Variants in GALNT13 observed in about 807,000 individuals in gnomAD.
The protein encoded by GALNT13 is UDP-GalNAc:polypeptide N-acetylgalactosaminyltransferase 13.
In GALNT13, 28 loss-of-function variants were observed where a neutral mutation model predicts 64.2. The ratio of observed to expected loss-of-function variants is 0.44; its 90% CI spans 0.32 to 0.60. The LOEUF (loss-of-function observed/expected upper bound fraction) is 0.60. GALNT13 is among the 20% of genes least tolerant of loss of function. The pLI, the probability that GALNT13 is intolerant of heterozygous loss-of-function variation, is 0.05. For synonymous variants in GALNT13, 214 were observed against 224.6 expected, an observed-to-expected ratio of 0.95 and a Z score of 0.42; for missense variants, 577 against 669.8, an observed-to-expected ratio of 0.86 and a Z score of 1.53.
At chr2:153,941,635 G>C (rs934103021) in intron 2 of GALNT13, among the ~76,000 whole-genome samples, 1 of 152,116 alleles carries the variant, frequency 6.6e-6, no homozygotes. Flanking sequence ...TTAGTATTCT[G>C]TGTTTAAAGT....
At chr2:153,530,712 T>C in the GALNT13 span, among the ~76,000 whole-genome samples, 1 of 151,958 alleles carries the variant, frequency 6.6e-6, no homozygotes, top group Non-Finnish European at 1.5e-5. Context: ...GTGAATAGAA[T>C]AGAGAACCCA....
chr2:153,879,727 CTA>C (rs1686653675), intron 1 of GALNT13, among the ~76,000 whole-genome samples: 1 of 152,014 alleles, frequency 6.6e-6, no homozygotes, highest in East Asian at 1.9e-4. Context: ...ACACAGATTT[CTA>C]TGTCTTTTCC....
At chr2:153,635,443 C>CATATATATGTGTATATATATATAT in the GALNT13 span, among the ~76,000 whole-genome samples, 5 of 144,526 alleles carry the variant, frequency 3.5e-5, no homozygotes, top group Non-Finnish European at 7.6e-5. Context: ...TATATATACA[C>CATATATATGTGTATATATATATAT]ACATATATAT....
chr2:153,633,570 T>G, the GALNT13 span, among the ~76,000 whole-genome samples: 3 of 152,206 alleles, frequency 2.0e-5, no homozygotes, highest in Non-Finnish European at 4.4e-5. Context: ...GTTTGCCTAC[T>G]ACAATATTTT....
At chr2:154,372,271 GAGA>G (rs1430128445) in intron 9 of GALNT13, among the ~76,000 whole-genome samples, 1 of 152,066 alleles carries the variant, frequency 6.6e-6, no homozygotes, top group Non-Finnish European at 1.5e-5. Context: ...TCTAGTTCAA[GAGA>G]AGAATAGAAT....
chr2:153,379,355 T>C, the GALNT13 span, among the ~76,000 whole-genome samples: 1 of 152,112 alleles, frequency 6.6e-6, no homozygotes, highest in African/African-American at 2.4e-5. Flanking sequence ...TTAAAGAGGG[T>C]TGGAGACCAT....
intron 4 of GALNT13, among the ~76,000 whole-genome samples, chr2:154,143,005 G>A (rs565492692): frequency 6.6e-6 from 1 of 152,208 alleles, no homozygotes; most frequent in African/African-American, 2.4e-5. Context: ...TTTATATGCT[G>A]TAGTATGCTG....
chr2:153,403,393 C>T, the GALNT13 span, among the ~76,000 whole-genome samples: 3 of 152,066 alleles, frequency 2.0e-5, no homozygotes, highest in East Asian at 1.9e-4. Context: ...TTGTCTGTGC[C>T]CTGCCCCCAG....
the GALNT13 span, among the ~76,000 whole-genome samples, chr2:153,679,082 T>A: frequency 6.6e-6 from 1 of 151,956 alleles, no homozygotes; most frequent in Non-Finnish European, 1.5e-5. Flanking sequence ...CAAGCATGAG[T>A]ACTAGCTAGT....
the GALNT13 span, among the ~76,000 whole-genome samples, chr2:153,079,659 T>C: frequency 6.6e-6 from 1 of 152,172 alleles, no homozygotes; most frequent in South Asian, 2.1e-4. Flanking sequence ...GAGGCCTGCA[T>C]TTTAATTTTT....
At chr2:153,732,761 T>G in the GALNT13 span, among the ~76,000 whole-genome samples, 1 of 152,096 alleles carries the variant, frequency 6.6e-6, no homozygotes. Context: ...ACTCTGATTA[T>G]TTTTTAGGTA....
chr2:153,991,706 A>G (rs757877558), intron 3 of GALNT13, among the ~76,000 whole-genome samples: 11 of 152,198 alleles, frequency 7.2e-5, no homozygotes, highest in Non-Finnish European at 1.3e-4. Flanking sequence ...ATAGTATGAA[A>G]TGGTTAAAGG....
the GALNT13 span, among the ~76,000 whole-genome samples, chr2:153,712,969 A>G: frequency 6.6e-6 from 1 of 152,214 alleles, no homozygotes; most frequent in African/African-American, 2.4e-5. Flanking sequence ...TTGTAAAAGA[A>G]TAAGTGGAGT....
intron 3 of GALNT13, among the ~76,000 whole-genome samples, chr2:153,970,680 C>G (rs1384221379): frequency 6.6e-6 from 1 of 152,086 alleles, no homozygotes; most frequent in African/African-American, 2.4e-5. Context: ...TTACCATATC[C>G]AAAACTGAAT....
intron 7 of GALNT13, among the ~76,000 whole-genome samples, chr2:154,253,531 A>G (rs1227272279): frequency 1.3e-5 from 2 of 152,174 alleles, no homozygotes; most frequent in Non-Finnish European, 2.9e-5. Flanking sequence ...GCACTGTAGC[A>G]TGCACCTGTC....
chr2:154,427,759 C>G (rs891358758), intron 11 of GALNT13, among the ~76,000 whole-genome samples: 2 of 152,114 alleles, frequency 1.3e-5, no homozygotes, highest in Non-Finnish European at 2.9e-5. Flanking sequence ...ACTTACTCCT[C>G]CTGACCCTCC....
chr2:153,532,155 C>T, the GALNT13 span, among the ~76,000 whole-genome samples: 37 of 152,220 alleles, frequency 2.4e-4, no homozygotes, highest in East Asian at 2.3e-3. Context: ...TCTCTGTGAG[C>T]GCTCCACTCC....
the GALNT13 span, among the ~76,000 whole-genome samples, chr2:153,222,034 CTGTT>C: frequency 6.6e-6 from 1 of 152,092 alleles, no homozygotes; most frequent in Non-Finnish European, 1.5e-5. Flanking sequence ...TGTTTCAGCC[CTGTT>C]TGTGTTACAG....
At chr2:154,214,380 A>G (rs775050710) in intron 4 of GALNT13, among the ~76,000 whole-genome samples, 3 of 151,978 alleles carry the variant, frequency 2.0e-5, no homozygotes, top group Non-Finnish European at 4.4e-5. Context: ...TTGTTGTACT[A>G]TTGTTGTATT....
Sources: allele counts gnomAD v4.1 joint callset (sites outside exome capture counted in the v4.1 genomes callset), GRCh38; gene constraint gnomAD v4.1.1; transcripts MANE v1.5; gene names NCBI Gene and HGNC (gene_info 2026-07-23, HGNC 2026-07-21).